Variants in GRIA1 observed in about 807,000 individuals in gnomAD.
The protein encoded by GRIA1 is glutamate ionotropic receptor AMPA type subunit 1.
In GRIA1, 31 loss-of-function variants were observed where a neutral mutation model predicts 99.2. That is an observed-to-expected ratio of 0.31 (90% CI 0.23 to 0.42). The LOEUF (loss-of-function observed/expected upper bound fraction) is 0.42. GRIA1 is among the 10% of genes least tolerant of loss of function. GRIA1 has a pLI of 1.00. For synonymous variants in GRIA1, 438 were observed against 432.4 expected, an observed-to-expected ratio of 1.01 and a Z score of -0.16; for missense variants, 782 against 1,157.5, an observed-to-expected ratio of 0.68 and a Z score of 4.71.
intron 2 of GRIA1, among the ~76,000 whole-genome samples, chr5:153,514,382 C>T (rs72800728): frequency 1.3e-3 from 193 of 152,220 alleles, no homozygotes; most frequent in Middle Eastern, 3.4e-3. Context: ...GATGAGAAAA[C>T]GGTCCAATTC....
chr5:153,526,714 G>A (rs1757631128), intron 2 of GRIA1, among the ~76,000 whole-genome samples: 1 of 152,206 alleles, frequency 6.6e-6, no homozygotes. Flanking sequence ...ATCATCTGCA[G>A]GAGGCAGATC....
chr5:153,580,220 C>T (rs1272260118), intron 2 of GRIA1, among the ~76,000 whole-genome samples: 1 of 152,170 alleles, frequency 6.6e-6, no homozygotes, highest in Non-Finnish European at 1.5e-5. Context: ...AGGAAGAGAA[C>T]TCTTCAGTTA....
intron 1 of GRIA1, among the ~76,000 whole-genome samples, chr5:153,493,505 G>A (rs1219130389): frequency 2.6e-5 from 4 of 152,144 alleles, no homozygotes; most frequent in East Asian, 3.9e-4. Context: ...CCTACTTCCC[G>A]TAAGGCTCTC....
At chr5:153,499,167 G>A (rs540375) in intron 2 of GRIA1, among the ~76,000 whole-genome samples, 117,296 of 152,096 alleles carry the variant, frequency 0.77, 45,844 homozygotes, top group African/African-American at 0.9. Context: ...TTTTATAACT[G>A]TCTTGAAAGG....
intron 2 of GRIA1, among the ~76,000 whole-genome samples, chr5:153,576,634 T>C (rs1437225953): frequency 6.6e-6 from 1 of 152,186 alleles, no homozygotes; most frequent in Admixed American, 6.5e-5. Context: ...AAAATATATA[T>C]ATTGTTAAAA....
At chr5:153,785,933 AAT>A (rs1162495075) in intron 13 of GRIA1, among the ~76,000 whole-genome samples, 3 of 152,240 alleles carry the variant, frequency 2.0e-5, no homozygotes, top group Non-Finnish European at 4.4e-5. Context: ...CATCTCAGAG[AAT>A]AACGCTAATT....
intron 11 of GRIA1, among the ~76,000 whole-genome samples, chr5:153,723,368 C>G (rs1760221256): frequency 6.6e-6 from 1 of 152,190 alleles, no homozygotes; most frequent in Non-Finnish European, 1.5e-5. Flanking sequence ...GTTCATCTCA[C>G]TAGGGAGTGC....
chr5:153,707,188 G>A (rs1002854466), intron 11 of GRIA1, among the ~76,000 whole-genome samples: 1 of 152,082 alleles, frequency 6.6e-6, no homozygotes, highest in Non-Finnish European at 1.5e-5. Flanking sequence ...GCACACTCGG[G>A]TAACCAAATC....
At chr5:153,581,575 C>T (rs371914203) in intron 2 of GRIA1, among the ~76,000 whole-genome samples, 4 of 152,100 alleles carry the variant, frequency 2.6e-5, no homozygotes, top group Admixed American at 6.5e-5. Flanking sequence ...TCCTTCACAT[C>T]GAGTCTCAGC....
intron 11 of GRIA1, among the ~76,000 whole-genome samples, chr5:153,760,901 A>G (rs566215575): frequency 3.9e-5 from 6 of 152,294 alleles, no homozygotes; most frequent in Admixed American, 3.3e-4. Flanking sequence ...CTGATTTTCA[A>G]CAAAGGTGTC....
chr5:153,613,943 C>G (rs933261397), intron 2 of GRIA1, among the ~76,000 whole-genome samples: 4 of 152,176 alleles, frequency 2.6e-5, no homozygotes, highest in African/African-American at 9.7e-5. Flanking sequence ...ACCTCTCCAC[C>G]TCAGTCTTCA....
chr5:153,634,303 G>A (rs1227504758), intron 2 of GRIA1, among the ~76,000 whole-genome samples: 1 of 147,842 alleles, frequency 6.8e-6, no homozygotes, highest in East Asian at 2.0e-4. Context: ...GGGCAACAGA[G>A]TGAGACTCCA....
At chr5:153,590,849 T>C (rs975605770) in intron 2 of GRIA1, among the ~76,000 whole-genome samples, 11 of 152,240 alleles carry the variant, frequency 7.2e-5, no homozygotes, top group Non-Finnish European at 1.3e-4. Flanking sequence ...GGATGTGTAC[T>C]GTGCTTGTTA....
intron 2 of GRIA1, among the ~76,000 whole-genome samples, chr5:153,566,470 A>AT (rs1561647622): frequency 2.7e-5 from 4 of 147,108 alleles, no homozygotes; most frequent in South Asian, 4.4e-4. Flanking sequence ...TGCCAAGCTA[A>AT]TTTTTTTGCA....
At position 153,493,911 on chromosome 5, in the gene GRIA1, A is replaced by G. The variant is rs1489983497; in HGVS notation, c.83-17A>G. On this transcript the variant is annotated splice_polypyrimidine_tract_variant and intron_variant, in intron 1 of 15. Transcript: ENST00000285900. ...GTCTCTAGCCCATATACCATGTTGCATTTTCTTTTCTCATAGGGGGATTAT... is the reference window on the plus strand; with the variant it reads ...GTCTCTAGCCCATATACCATGTTGCGTTTTCTTTTCTCATAGGGGGATTAT... 1 of 1,613,630 alleles carries G rather than the reference A, an allele frequency of 6.2e-7. No homozygotes were observed. Among genetic ancestry groups the G allele is most frequent in the Non-Finnish European group, 8.5e-7 (1 of 1,179,762 alleles).
intron 4 of GRIA1, 127 bp from the exon 5 acceptor site, chr5:153,655,692 A>G: frequency 9.7e-6 from 7 of 723,096 alleles, no homozygotes; most frequent in Admixed American, 2.0e-5. Context: ...TGGTTGGGAT[A>G]TTGTAGTTCT....
intron 2 of GRIA1, among the ~76,000 whole-genome samples, chr5:153,528,322 G>A (rs188772739): frequency 2.3e-3 from 354 of 152,160 alleles, no homozygotes; most frequent in African/African-American, 7.8e-3. Context: ...TTGGGATTAT[G>A]GTGTTTGGGA....
At chr5:153,585,497 C>G (rs1386753140) in intron 2 of GRIA1, among the ~76,000 whole-genome samples, 3 of 151,710 alleles carry the variant, frequency 2.0e-5, no homozygotes, top group South Asian at 2.1e-4. Context: ...TTAGTAGAGA[C>G]AGGGTTTCAC....
At position 153,694,158 on chromosome 5, in the gene GRIA1, T is replaced by G. The variant is rs115174389; in HGVS notation, c.1135-3886T>G. 2.4e-3 allele frequency among the ~76,000 whole-genome samples: 361 copies of G among 152,338 alleles called. 3 individuals are homozygous for G. Among genetic ancestry groups the G allele is most frequent in the African/African-American group, 8.2e-3 (342 of 41,586 alleles). ...TTTTTTAGAGATCCCAATTTAACAA[T>G]AGTGCTAAAATTAATAAGTAGTGCT... On this transcript the variant is annotated intron_variant, in intron 8 of 15. Coordinates refer to ENST00000285900, the MANE Select transcript of GRIA1 (RefSeq NM_000827.4).
Sources: allele counts gnomAD v4.1 joint callset (sites outside exome capture counted in the v4.1 genomes callset), GRCh38; gene constraint gnomAD v4.1.1; transcripts MANE v1.5; gene names NCBI Gene and HGNC (gene_info 2026-07-23, HGNC 2026-07-21).